The following ZFYVE27 variants were observed in gnomAD, a reference collection of about 807,000 sequenced individuals.
The protein encoded by ZFYVE27 is protrudin.
ZFYVE27 carries 36 observed loss-of-function variants against 52.8 expected under a neutral mutation model. The observed-to-expected ratio is 0.68, with a 90% CI of 0.52 to 0.90. The LOEUF is 0.90. Among genes scored for constraint, ZFYVE27 ranks in the 40% least tolerant of loss-of-function variants. The pLI, the probability that ZFYVE27 is intolerant of heterozygous loss-of-function variation, is 0.00. For synonymous variants in ZFYVE27, 223 were observed against 215.6 expected (o/e 1.03, Z -0.30); for missense variants, 450 against 527.2 (o/e 0.85, Z 1.43).
chr10:97,738,573 C>G lies in ZFYVE27; in HGVS notation c.96C>G (p.Ser32=). The change falls in exon 2 of 13, where the codon TCC becomes TCG. Residue 32 remains serine, a synonymous_variant. Coordinates refer to ENST00000684270, the MANE Select transcript of ZFYVE27 (RefSeq NM_001385875.1). The stretch of plus-strand genomic sequence containing the variant: ...AGTCTCCACCTTTTCCTACCAAGTC[C>G]CCAGCGTTTGACCTTTTCAACTTGG... The part of the protein sequence containing the change: ...PLESPPFPTK[S]PAFDLFNLVL... 7.4e-6 allele frequency: 12 copies of G among 1,614,178 alleles called. No homozygotes were observed. The highest frequency in any genetic ancestry group is 1.0e-5 in the Non-Finnish European group (12 of 1,180,050).
intron 4 of ZFYVE27, among the ~76,000 whole-genome samples, chr10:97,745,995 T>C (rs949446202): frequency 6.7e-6 from 1 of 149,734 alleles, no homozygotes; most frequent in African/African-American, 2.4e-5. Context: ...AAAAAGACTT[T>C]CTTACTTTGA....
rs1255526125 is a variant in ZFYVE27 at position 97,748,254 on chromosome 10, C to T, written c.456-15C>T. On this transcript the variant is annotated splice_polypyrimidine_tract_variant and intron_variant, in intron 4 of 12. Transcript: ENST00000684270. ...CTTCTGTCCTGCCCACTCACCAAAG[C>T]CCCTGTGTCTGTAGCTTGATCCAGC... 3.7e-6 allele frequency: 6 copies of T among 1,613,402 alleles called. No individual in the cohort carries two copies. The highest frequency in any genetic ancestry group is 5.1e-6 in the Non-Finnish European group (6 of 1,179,828).
intron 2 of ZFYVE27, among the ~76,000 whole-genome samples, chr10:97,742,064 G>T (rs1218274165): frequency 6.6e-6 from 1 of 151,782 alleles, no homozygotes; most frequent in Non-Finnish European, 1.5e-5. Context: ...CAGGAGGCGG[G>T]GGTTGTAGTG....
At chr10:97,756,904 G>T (rs2048484436) in intron 10 of ZFYVE27, among the ~76,000 whole-genome samples, 1 of 152,202 alleles carries the variant, frequency 6.6e-6, no homozygotes, top group Non-Finnish European at 1.5e-5. Flanking sequence ...GTCATGTTAG[G>T]CAGGTGTCAT....
At chr10:97,749,995 T>C in intron 6 of ZFYVE27, 1 of 421,960 alleles carries the variant, frequency 2.4e-6, no homozygotes, top group South Asian at 2.2e-5. Flanking sequence ...GCTGAGGCAG[T>C]CTGGAGAGGC....
rs4244329 is a variant in ZFYVE27 at position 97,759,996 on chromosome 10, G to A, written c.*696G>A. 0.74 allele frequency: 113,514 copies of A among 154,308 alleles called. 42,133 individuals are homozygous for A. Among genetic ancestry groups the A allele is most frequent in the Middle Eastern group, 0.82 (242 of 296 alleles). The allele number at this position is 154,308 out of a possible 1,614,324, so 9.6% of individuals were successfully genotyped here. On this transcript the variant is annotated 3_prime_UTR_variant, in exon 13 of 13. Transcript: ENST00000684270. ...AAGCCCCAATAGCTGGACAGACCTC[G>A]GCCTCCCCTCGAAGACACCTCAATT... is the stretch of plus-strand genomic sequence containing the variant.
At chr10:97,759,067 A>C (rs2049119803) in intron 12 of ZFYVE27, among the ~76,000 whole-genome samples, 169 bp from the exon 13 acceptor site, 1 of 151,256 alleles carries the variant, frequency 6.6e-6, no homozygotes, top group Admixed American at 6.6e-5. Context: ...CAGGATCCCC[A>C]GTTCCCATGG....
intron 10 of ZFYVE27, 28 bp from the exon 11 acceptor site, chr10:97,757,237 G>T: frequency 6.2e-7 from 1 of 1,614,100 alleles, no homozygotes; most frequent in Non-Finnish European, 8.5e-7. Flanking sequence ...GGATGGGCGG[G>T]GGTTGAGCTG....
Position 97,746,408 on chromosome 10 carries a change from T to C in ZFYVE27, c.455+1493T>C, listed in dbSNP as rs574840294. On this transcript the variant is annotated intron_variant, in intron 4 of 12. Transcript: ENST00000684270. ...ATACCAAGAATGCCTTTTACCCAGA[T>C]AGAACAATTATTAACATTTTGCCAT... is the stretch of plus-strand genomic sequence containing the variant. 2.6e-5 allele frequency among the ~76,000 whole-genome samples: 4 copies of C among 152,338 alleles called. No homozygotes were observed. The South Asian group carries it at 8.3e-4, about 32-fold the overall frequency.
In ZFYVE27 at chr10:97,757,283, C is replaced by T. The variant is rs368208975; in HGVS notation, c.1061C>T (p.Ser354Leu). The change falls in exon 11 of 13, where the codon TCG becomes TTG. Residue 354 changes from serine (S) to leucine (L), a missense_variant. By Grantham distance (145) the Ser-to-Leu change is moderately radical. Transcript: ENST00000684270. ...TNNFGNCTGC[S>L]ATFSVLKKRR... is the part of the protein sequence containing the mutation. ...TTCTCAGGGAACTGCACGGGCTGCT[C>T]GGCCACCTTCTCAGTGCTGAAGAAG... The T allele has an allele frequency of 3.7e-5, 60 of 1,613,984 alleles. No individual in the cohort carries two copies. The highest frequency in any genetic ancestry group is 2.3e-4 in the South Asian group (21 of 91,054).
At chr10:97,746,165 C>T (rs2045366855) in intron 4 of ZFYVE27, among the ~76,000 whole-genome samples, 1 of 151,438 alleles carries the variant, frequency 6.6e-6, no homozygotes. Flanking sequence ...TCTCGTGCCT[C>T]AGCCTCCAGA....
Position 97,757,874 on chromosome 10 carries a change from C to A in ZFYVE27, c.1171+151C>A, listed in dbSNP as rs78756255. 1,737 of 666,510 alleles carry A rather than the reference C, an allele frequency of 2.6e-3. 22 individuals are homozygous for A. In the African/African-American group the frequency reaches 0.028, roughly 11 times the overall value. The allele number at this position is 666,510 out of a possible 1,614,324, so 41.3% of individuals were successfully genotyped here. On this transcript the variant is annotated intron_variant, in intron 12 of 12. Coordinates refer to ENST00000684270, the MANE Select transcript of ZFYVE27 (RefSeq NM_001385875.1). ...TTTCCTCCATCCCCTTTAGCAAAAT[C>A]CTGAAACATTTGGTACATGCCGAAG...
At chr10:97,752,721 C>T in intron 8 of ZFYVE27, 136 bp from the exon 9 acceptor site, 1 of 1,016,212 alleles carries the variant, frequency 9.8e-7, no homozygotes, top group Non-Finnish European at 1.5e-6. Flanking sequence ...TCAATGTCAC[C>T]ATTTGGGAAG....
In ZFYVE27 at chr10:97,759,288, C is replaced by A; in HGVS notation, c.1224C>A (p.Thr408=). Residue 408 remains threonine (T), a synonymous_variant, in exon 13 of 13, where the codon ACC becomes ACA. Coordinates refer to ENST00000684270, the MANE Select transcript of ZFYVE27 (RefSeq NM_001385875.1). ...TVFVCASCNQ[T]LSK is the part of the protein sequence containing the mutation. ...TTGTGTGTGCCTCGTGTAACCAGAC[C>A]TTGAGCAAGTGAGAAGAGAGGCCAG... 6.2e-7 allele frequency: 1 copy of A among 1,614,208 alleles called. No homozygotes were observed. The highest frequency in any genetic ancestry group is 1.7e-5 in the Admixed American group (1 of 60,020).
intron 11 of ZFYVE27, 77 bp downstream of exon 11, chr10:97,757,388 A>C (rs1395434829): frequency 1.2e-6 from 2 of 1,602,670 alleles, no homozygotes; most frequent in East Asian, 4.5e-5. Context: ...GAGGGGAGTC[A>C]TTGAGAAAGT....
At chr10:97,742,948 A>G in intron 2 of ZFYVE27, 146 bp from the exon 3 acceptor site, 1 of 848,762 alleles carries the variant, frequency 1.2e-6, no homozygotes, top group African/African-American at 1.7e-5. Context: ...CACCAGTCCA[A>G]GTGAGAGGCC....
At chr10:97,751,581 A>G (rs1247184216) in intron 8 of ZFYVE27, 119 bp downstream of exon 8, 4 of 977,470 alleles carry the variant, frequency 4.1e-6, no homozygotes, top group Non-Finnish European at 6.3e-6. Flanking sequence ...GCTGTGAGCT[A>G]GAACTCACTG....
intron 2 of ZFYVE27, among the ~76,000 whole-genome samples, chr10:97,739,439 C>G (rs908790184): frequency 3.3e-5 from 5 of 152,146 alleles, no homozygotes; most frequent in African/African-American, 1.2e-4. Flanking sequence ...TTTTCATTCT[C>G]TATAATTTTC....
intron 8 of ZFYVE27, 137 bp downstream of exon 8, chr10:97,751,599 G>C (rs374680797): frequency 2.4e-5 from 20 of 847,282 alleles, no homozygotes; most frequent in African/African-American, 2.2e-4. Context: ...CTGGTTGAAA[G>C]AGTGCCACTG....
Sources: allele counts gnomAD v4.1 joint callset (sites outside exome capture counted in the v4.1 genomes callset), GRCh38; gene constraint gnomAD v4.1.1; transcripts MANE v1.5; gene names NCBI Gene and HGNC (gene_info 2026-07-23, HGNC 2026-07-21).